The following SMAGP variants were observed in gnomAD, a reference collection of about 807,000 sequenced individuals.
SMAGP encodes small cell transmembrane and glycosylated protein.
A neutral mutation model predicts 10.1 loss-of-function variants in SMAGP; 7 were observed. The ratio of observed to expected loss-of-function variants is 0.70; its 90% CI spans 0.40 to 1.31. The LOEUF (loss-of-function observed/expected upper bound fraction) is 1.31. Among genes scored for constraint, SMAGP ranks in the 50% most tolerant of loss-of-function variants. SMAGP has a pLI of 0.01. For missense variants in SMAGP, 113 were observed against 116.5 expected (o/e 0.97, Z 0.14); for synonymous variants, 49 against 47.2 (o/e 1.04, Z -0.16).
At chr12:51,259,710 T>C (rs1329200110) in intron 2 of SMAGP, among the ~76,000 whole-genome samples, 1 of 152,128 alleles carries the variant, frequency 6.6e-6, no homozygotes, top group Non-Finnish European at 1.5e-5. Context: ...CCAATGATTT[T>C]AATTTTCTTC....
intron 2 of SMAGP, among the ~76,000 whole-genome samples, chr12:51,260,041 G>A (rs963482682): frequency 1.2e-4 from 18 of 151,850 alleles, no homozygotes; most frequent in Admixed American, 4.6e-4. Context: ...TTTATATTCC[G>A]AATTTCTCAC....
chr12:51,252,813 C>G (rs1169682263), intron 2 of SMAGP, among the ~76,000 whole-genome samples: 1 of 149,190 alleles, frequency 6.7e-6, no homozygotes, highest in Non-Finnish European at 1.5e-5. Flanking sequence ...CTTTTCACCT[C>G]TGTTTCCTAT....
chr12:51,262,434 T>C (rs990493788), intron 2 of SMAGP, among the ~76,000 whole-genome samples: 3 of 152,234 alleles, frequency 2.0e-5, no homozygotes, highest in African/African-American at 7.2e-5. Flanking sequence ...TGAGCTGTGA[T>C]TGAGCCACTG....
chr12:51,262,055 T>C (rs1439577929), intron 2 of SMAGP, among the ~76,000 whole-genome samples: 3 of 150,670 alleles, frequency 2.0e-5, no homozygotes, highest in East Asian at 4.0e-4. Context: ...CTGGGCAACA[T>C]AGCGAGACCC....
rs187357852 is a variant in SMAGP, at chr12:51,257,548, A to G, written c.35-10717T>C. 2.9e-3 allele frequency among the ~76,000 whole-genome samples: 415 copies of G among 145,270 alleles called. 1 individual carries two copies. Among genetic ancestry groups the G allele is most frequent in the African/African-American group, 0.011 (405 of 36,452 alleles). On this transcript the variant is annotated intron_variant, in intron 2 of 3. Coordinates refer to ENST00000603798, the MANE Select transcript of SMAGP (RefSeq NM_001031628.2). ...CTGGGCAACATAGTGAGACCTTTGT[A>G]TACATTTTTTTTTTTTGAGACAGTC...
chr12:51,262,852 C>T (rs1438297542), intron 2 of SMAGP, among the ~76,000 whole-genome samples: 2 of 152,178 alleles, frequency 1.3e-5, no homozygotes, highest in Non-Finnish European at 2.9e-5. Context: ...TGCCAGCCTA[C>T]TTATTTGCTC....
At chr12:51,248,517 G>A (rs559975028) in intron 2 of SMAGP, among the ~76,000 whole-genome samples, 2 of 148,442 alleles carry the variant, frequency 1.3e-5, no homozygotes, top group African/African-American at 2.5e-5. Context: ...CCCACAGCCC[G>A]TTAGCCTTGT....
chr12:51,264,423 G>A (rs1361700534), intron 2 of SMAGP, among the ~76,000 whole-genome samples: 1 of 152,042 alleles, frequency 6.6e-6, no homozygotes, highest in African/African-American at 2.4e-5. Context: ...CTTCAGGCCG[G>A]GAGAGTTGCC....
intron 2 of SMAGP, among the ~76,000 whole-genome samples, chr12:51,263,489 G>A (rs1944946940): frequency 6.6e-6 from 1 of 152,168 alleles, no homozygotes; most frequent in African/African-American, 2.4e-5. Context: ...TGAGGAATAA[G>A]TGCAATGAAA....
intron 2 of SMAGP, among the ~76,000 whole-genome samples, chr12:51,254,270 C>G (rs59252445): frequency 6.6e-6 from 1 of 152,052 alleles, no homozygotes; most frequent in Non-Finnish European, 1.5e-5. Flanking sequence ...AAAATAAGGC[C>G]GGGCGCGGTG....
chr12:51,260,093 T>C (rs1276516396), intron 2 of SMAGP, among the ~76,000 whole-genome samples: 2 of 152,122 alleles, frequency 1.3e-5, no homozygotes, highest in African/African-American at 4.8e-5. Flanking sequence ...AAATTAAAGA[T>C]TGCTGTTATT....
At chr12:51,269,585 A>T (rs972653641) in intron 1 of SMAGP, 9 of 334,838 alleles carry the variant, frequency 2.7e-5, no homozygotes, top group Non-Finnish European at 5.1e-5. Context: ...AAATTTACTT[A>T]GATCTCTCAA....
chr12:51,257,202 G>C (rs564998913), intron 2 of SMAGP, among the ~76,000 whole-genome samples: 4 of 152,200 alleles, frequency 2.6e-5, no homozygotes, highest in Middle Eastern at 3.2e-3. Flanking sequence ...GAATGACCCA[G>C]ATGAGAGGCA....
chr12:51,260,361 G>GT lies in SMAGP; in HGVS notation c.34+8883dup, dbSNP rs200895814. 2.3e-3 allele frequency among the ~76,000 whole-genome samples: 353 copies of GT among 151,678 alleles called. 1 individual carries two copies. The highest frequency in any genetic ancestry group is 6.8e-3 in the Middle Eastern group (2 of 292). On this transcript the variant is annotated intron_variant, in intron 2 of 3. Coordinates refer to ENST00000603798, the MANE Select transcript of SMAGP (RefSeq NM_001031628.2). The stretch of plus-strand genomic sequence containing the variant: ...TGTGCACCAGCACAGCCGGCTGATT[G>GT]TTTTTTTTGTTGTTGTTGTTGTTGT...
Position 51,245,638 on chromosome 12 carries a change from C to A in SMAGP, c.*303G>T. ...CTCAAAATCTTTTCTCTCCCTTCAA[C>A]CTGTGAAAAAAGATGACTGGGCACA... On this transcript the variant is annotated 3_prime_UTR_variant, in exon 4 of 4. Coordinates refer to ENST00000603798, the MANE Select transcript of SMAGP (RefSeq NM_001031628.2). 1 of 306,768 alleles carries A rather than the reference C, an allele frequency of 3.3e-6. No homozygotes were observed. The highest frequency in any genetic ancestry group is 6.2e-6 in the Non-Finnish European group (1 of 161,408). The allele number at this position is 306,768 out of a possible 1,614,324, so 19.0% of individuals were successfully genotyped here. A position where few individuals can be genotyped will look rare whatever the true frequency, so the allele number is the denominator to read the frequency against.
At chr12:51,247,379 C>A (rs1316723943) in intron 2 of SMAGP, among the ~76,000 whole-genome samples, 2 of 152,164 alleles carry the variant, frequency 1.3e-5, no homozygotes, top group Non-Finnish European at 2.9e-5. Flanking sequence ...TAGTGCTCCT[C>A]TCCTATTAAA....
Position 51,261,258 on chromosome 12 carries a change from G to A in SMAGP, c.34+7987C>T, listed in dbSNP as rs747942691. On this transcript the variant is annotated intron_variant, in intron 2 of 3. Transcript: ENST00000603798. ...TTACAGGCACCCGCCACTATGCCCA[G>A]CTAATTTTTTGTATTTTTAGTAAAC... is the stretch of plus-strand genomic sequence containing the variant. Among the ~76,000 whole-genome samples the A allele has an allele frequency of 1.7e-3, 256 of 150,786 alleles. 1 individual carries two copies. The highest frequency in any genetic ancestry group is 2.9e-3 in the Non-Finnish European group (199 of 67,766).
chr12:51,268,866 A>G (rs1945001018), intron 2 of SMAGP, among the ~76,000 whole-genome samples: 1 of 151,872 alleles, frequency 6.6e-6, no homozygotes, highest in African/African-American at 2.4e-5. Context: ...CATTACAAGC[A>G]TGAGCCACCA....
intron 2 of SMAGP, among the ~76,000 whole-genome samples, chr12:51,260,391 T>G (rs1347983135): frequency 1.3e-5 from 2 of 151,672 alleles, no homozygotes; most frequent in East Asian, 1.9e-4. Context: ...TGTTGTTGTT[T>G]TTTGAGACGG....
Sources: allele counts gnomAD v4.1 joint callset (sites outside exome capture counted in the v4.1 genomes callset), GRCh38; gene constraint gnomAD v4.1.1; transcripts MANE v1.5; gene names NCBI Gene and HGNC (gene_info 2026-07-23, HGNC 2026-07-21).